The following MAGI2 variants were observed in gnomAD, a reference collection of about 807,000 sequenced individuals.
MAGI2 encodes the protein membrane-associated guanylate kinase, WW and PDZ domain-containing protein 2.
A neutral mutation model predicts 133.3 loss-of-function variants in MAGI2; 35 were observed. The observed-to-expected ratio is 0.26, with a 90% CI of 0.20 to 0.35. The LOEUF is 0.35. Among genes scored for constraint, MAGI2 ranks in the 10% least tolerant of loss-of-function variants. MAGI2 has a pLI of 1.00. For synonymous variants in MAGI2, 729 were observed against 710.6 expected, an observed-to-expected ratio of 1.03 and a Z score of -0.41; for missense variants, 1,636 against 1,863.4, an observed-to-expected ratio of 0.88 and a Z score of 2.25.
At chr7:79,083,556 G>A (rs573315809) in intron 1 of MAGI2, among the ~76,000 whole-genome samples, 57 of 151,720 alleles carry the variant, frequency 3.8e-4, no homozygotes, top group African/African-American at 1.3e-3. Context: ...CTTTTTATAT[G>A]TTGTGGGATT....
chr7:78,286,196 TTCTC>T (rs891486193), intron 9 of MAGI2, among the ~76,000 whole-genome samples: 9 of 152,118 alleles, frequency 5.9e-5, no homozygotes, highest in Admixed American at 1.3e-4. Context: ...TAAATTTGTT[TTCTC>T]TCTTTTTCCC....
chr7:78,475,687 G>A (rs960125508), intron 6 of MAGI2, among the ~76,000 whole-genome samples: 10 of 151,684 alleles, frequency 6.6e-5, no homozygotes, highest in Admixed American at 6.6e-5. Flanking sequence ...AATAGCAGAC[G>A]GAATAAATCA....
At chr7:79,123,785 C>CAAAAAAAAAA (rs71095377) in intron 1 of MAGI2, among the ~76,000 whole-genome samples, 3 of 60,764 alleles carry the variant, frequency 4.9e-5, no homozygotes, top group South Asian at 9.5e-4. Flanking sequence ...GACTCCATCT[C>CAAAAAAAAAA]AAAAAAAAAA....
At chr7:78,385,239 G>A (rs960826183) in intron 6 of MAGI2, among the ~76,000 whole-genome samples, 1 of 152,320 alleles carries the variant, frequency 6.6e-6, no homozygotes, top group East Asian at 1.9e-4. Context: ...CGTGATTTGG[G>A]TGGAAAAGGA....
intron 3 of MAGI2, among the ~76,000 whole-genome samples, chr7:78,542,016 T>C (rs1798450747): frequency 6.6e-6 from 1 of 152,228 alleles, no homozygotes. Flanking sequence ...TCATTGCTAC[T>C]CAATTCTGCT....
chr7:79,078,493 C>T (rs1383616373), intron 1 of MAGI2, among the ~76,000 whole-genome samples: 2 of 152,152 alleles, frequency 1.3e-5, no homozygotes, highest in African/African-American at 4.8e-5. Context: ...CTGCTAAAAT[C>T]CATTCTAAAG....
chr7:79,371,592 A>G (rs1203499723), intron 1 of MAGI2, among the ~76,000 whole-genome samples: 5 of 152,182 alleles, frequency 3.3e-5, no homozygotes, highest in African/African-American at 4.8e-5. Flanking sequence ...TTTGTAGCGT[A>G]GAAACAGTAG....
intron 9 of MAGI2, among the ~76,000 whole-genome samples, chr7:78,263,530 T>A (rs1793713741): frequency 1.3e-5 from 2 of 152,112 alleles, no homozygotes; most frequent in South Asian, 4.1e-4. Context: ...CAAGTGAGCT[T>A]GTGGGGTAAT....
intron 10 of MAGI2, chr7:78,252,408 T>C (rs948382177): frequency 6.0e-5 from 9 of 150,842 alleles, no homozygotes; most frequent in Admixed American, 1.3e-4. Flanking sequence ...GTCAAGGGAA[T>C]TCAATAAAAA....
intron 2 of MAGI2, among the ~76,000 whole-genome samples, chr7:78,998,224 C>G (rs1421104885): frequency 6.6e-6 from 1 of 152,146 alleles, no homozygotes; most frequent in African/African-American, 2.4e-5. Flanking sequence ...AAAGTGTCTG[C>G]TGTATTTGAT....
intron 12 of MAGI2, among the ~76,000 whole-genome samples, chr7:78,194,307 C>T (rs745504194): frequency 1.2e-4 from 19 of 152,108 alleles, no homozygotes; most frequent in Admixed American, 2.0e-4. Flanking sequence ...AGTGCATACA[C>T]GATATTTTAA....
intron 2 of MAGI2, among the ~76,000 whole-genome samples, chr7:79,006,178 T>G (rs1445728627): frequency 6.6e-6 from 1 of 152,160 alleles, no homozygotes; most frequent in African/African-American, 2.4e-5. Flanking sequence ...ACATAATAAT[T>G]TTTTTTGTTT....
intron 1 of MAGI2, among the ~76,000 whole-genome samples, chr7:79,156,059 A>G (rs942856067): frequency 6.6e-6 from 1 of 152,044 alleles, no homozygotes. Flanking sequence ...CTGTGATGTT[A>G]ATGGGGACTA....
chr7:78,534,287 C>G (rs760749895), intron 3 of MAGI2, among the ~76,000 whole-genome samples: 1 of 152,162 alleles, frequency 6.6e-6, no homozygotes, highest in African/African-American at 2.4e-5. Context: ...TGATTGAATA[C>G]CCAGCCTTTC....
At chr7:79,218,937 A>G (rs536567270) in intron 1 of MAGI2, among the ~76,000 whole-genome samples, 24 of 152,222 alleles carry the variant, frequency 1.6e-4, no homozygotes, top group Non-Finnish European at 3.1e-4. Context: ...TTTCCCGAAT[A>G]TTGCTAAGAT....
chr7:78,894,191 G>A (rs1023236083), intron 2 of MAGI2, among the ~76,000 whole-genome samples: 2 of 152,168 alleles, frequency 1.3e-5, no homozygotes, highest in Admixed American at 6.5e-5. Flanking sequence ...CACAAGGTCA[G>A]GAGATCGAGA....
intron 1 of MAGI2, among the ~76,000 whole-genome samples, chr7:79,061,665 T>C (rs562534016): frequency 6.6e-6 from 1 of 152,128 alleles, no homozygotes; most frequent in Non-Finnish European, 1.5e-5. Flanking sequence ...TAAGTTCTAC[T>C]TTGTATGCCA....
intron 3 of MAGI2, among the ~76,000 whole-genome samples, chr7:78,590,621 C>A (rs1447805059): frequency 6.6e-6 from 1 of 152,208 alleles, no homozygotes; most frequent in African/African-American, 2.4e-5. Flanking sequence ...TAACTAAAAT[C>A]AGTACAAATG....
chr7:78,434,200 C>A (rs1433109202), intron 6 of MAGI2, among the ~76,000 whole-genome samples: 1 of 152,040 alleles, frequency 6.6e-6, no homozygotes. Context: ...TTGGTAGAAA[C>A]AGTACTAGAT....
Sources: gnomAD v4.1 joint callset for allele counts (sites outside exome capture counted in the v4.1 genomes callset) on GRCh38, gnomAD v4.1.1 for gene constraint, MANE v1.5 for transcripts, NCBI Gene and HGNC (gene_info 2026-07-23, HGNC 2026-07-21) for gene names.